The following ESRRG variants were observed in gnomAD, a reference collection of about 807,000 sequenced individuals.
ESRRG encodes estrogen related receptor gamma.
ESRRG carries 13 observed loss-of-function variants against 44.0 expected under a neutral mutation model. The ratio of observed to expected loss-of-function variants is 0.30; its 90% CI spans 0.19 to 0.47. ESRRG has a LOEUF of 0.47. ESRRG is among the 20% of genes least tolerant of loss of function. The pLI, the probability that ESRRG is intolerant of heterozygous loss-of-function variation, is 1.00. For synonymous variants in ESRRG, 215 were observed against 214.6 expected (o/e 1.00, Z -0.02); for missense variants, 395 against 580.6 (o/e 0.68, Z 3.29).
chr1:216,835,567 C>T (rs12737994), intron 2 of ESRRG, among the ~76,000 whole-genome samples: 31,798 of 152,042 alleles, frequency 0.21, 3,417 homozygotes, highest in Admixed American at 0.27. Flanking sequence ...TATAGAAATA[C>T]GGAGTCCTTC....
chr1:216,697,287 T>G (rs910912175), intron 1 of ESRRG, among the ~76,000 whole-genome samples: 3 of 152,170 alleles, frequency 2.0e-5, no homozygotes, highest in African/African-American at 4.8e-5. Context: ...GTTTAATTTT[T>G]GGAATAATCA....
At chr1:216,855,707 CT>C (rs1435163749) in intron 2 of ESRRG, among the ~76,000 whole-genome samples, 1 of 152,170 alleles carries the variant, frequency 6.6e-6, no homozygotes, top group African/African-American at 2.4e-5. Flanking sequence ...GCCCCCTCCC[CT>C]GCTCCCCAGC....
intron 1 of ESRRG, among the ~76,000 whole-genome samples, chr1:217,012,531 A>G (rs748427810): frequency 6.6e-6 from 1 of 152,308 alleles, no homozygotes; most frequent in Non-Finnish European, 1.5e-5. Flanking sequence ...ACTGATAGCA[A>G]GAAAATGACA....
At chr1:216,632,196 T>C (rs2064341170) in intron 3 of ESRRG, among the ~76,000 whole-genome samples, 1 of 152,186 alleles carries the variant, frequency 6.6e-6, no homozygotes, top group African/African-American at 2.4e-5. Context: ...TTACCAAACA[T>C]ACATAACCTT....
chr1:217,046,988 C>T (rs1181936105), intron 1 of ESRRG, among the ~76,000 whole-genome samples: 1 of 151,924 alleles, frequency 6.6e-6, no homozygotes, highest in Non-Finnish European at 1.5e-5. Context: ...AATATATTAA[C>T]ATATGTAAGT....
Position 217,056,386 on chromosome 1 carries a change from G to A in ESRRG, c.-106+33121C>T, listed in dbSNP as rs11572406. ...CACCATATATTTATTTCTGGAAGAA[G>A]TCTGGGTATAAATAGAAACTCATGT... On this transcript the variant is annotated intron_variant, in intron 1 of 7. Coordinates refer to the ESRRG transcript ENST00000359162. Among the ~76,000 whole-genome samples, 785 of 152,202 alleles carry A rather than the reference G, an allele frequency of 5.2e-3. 6 individuals carry two copies. Among genetic ancestry groups the A allele is most frequent in the African/African-American group, 0.018 (750 of 41,532 alleles).
At chr1:216,648,793 A>T (rs921868972) in intron 3 of ESRRG, among the ~76,000 whole-genome samples, 1 of 152,166 alleles carries the variant, frequency 6.6e-6, no homozygotes, top group African/African-American at 2.4e-5. Flanking sequence ...TTAATTTTAG[A>T]ACTTTTTAAA....
upstream of ESRRG, among the ~76,000 whole-genome samples, chr1:217,091,311 A>G (rs928094624): frequency 3.9e-5 from 6 of 152,132 alleles, no homozygotes; most frequent in Non-Finnish European, 8.8e-5. Context: ...GCACAAGGAG[A>G]GTTTTGAATC....
At chr1:216,993,926 T>C (rs560100362) in intron 1 of ESRRG, among the ~76,000 whole-genome samples, 88 of 152,282 alleles carry the variant, frequency 5.8e-4, no homozygotes, top group African/African-American at 1.9e-3. Context: ...AAATATCACT[T>C]TTTCTCTAAT....
chr1:216,864,765 T>C (rs1394829427), intron 2 of ESRRG: 2 of 152,136 alleles, frequency 1.3e-5, no homozygotes, highest in Non-Finnish European at 2.9e-5. Context: ...GCTGTTCACC[T>C]AAGGAGATGC....
chr1:216,663,521 T>C (rs1164906129), intron 2 of ESRRG, among the ~76,000 whole-genome samples: 2 of 152,180 alleles, frequency 1.3e-5, no homozygotes, highest in Non-Finnish European at 2.9e-5. Flanking sequence ...TTATCAGAGA[T>C]GCCCTTTTTT....
intron 3 of ESRRG, among the ~76,000 whole-genome samples, chr1:216,609,991 T>C (rs967874241): frequency 1.3e-5 from 2 of 152,194 alleles, no homozygotes; most frequent in African/African-American, 4.8e-5. Context: ...GAGTGATCAG[T>C]CTCCACAAAA....
chr1:216,851,517 G>C (rs984172083), intron 2 of ESRRG, among the ~76,000 whole-genome samples: 18 of 151,978 alleles, frequency 1.2e-4, no homozygotes, highest in African/African-American at 4.3e-4. Flanking sequence ...CTTATAAAAA[G>C]AGGCCAGAGA....
chr1:217,082,831 G>A (rs1028765176), intron 1 of ESRRG, among the ~76,000 whole-genome samples: 6 of 152,136 alleles, frequency 3.9e-5, no homozygotes, highest in Non-Finnish European at 2.9e-5. Flanking sequence ...CTTATCACAA[G>A]TGATAAACTT....
chr1:217,123,357 T>C (rs1313539449), intron 1 of ESRRG, among the ~76,000 whole-genome samples: 1 of 152,130 alleles, frequency 6.6e-6, no homozygotes, highest in African/African-American at 2.4e-5. Context: ...ATTTTCCCAT[T>C]TCAGTGTATT....
At chr1:216,594,470 A>T (rs2150050466) in intron 3 of ESRRG, among the ~76,000 whole-genome samples, 1 of 152,174 alleles carries the variant, frequency 6.6e-6, no homozygotes, top group Non-Finnish European at 1.5e-5. Context: ...CCAGGGATCT[A>T]CTCTAGAGGG....
intron 3 of ESRRG, among the ~76,000 whole-genome samples, chr1:216,593,522 A>G (rs561429949): frequency 6.6e-6 from 1 of 152,244 alleles, no homozygotes; most frequent in Admixed American, 6.5e-5. Flanking sequence ...GATTCTGATA[A>G]CAGCCAATTG....
chr1:216,677,585 T>A, intron 1 of ESRRG, 94 bp from the exon 2 acceptor site: 1 of 1,080,294 alleles, frequency 9.3e-7, no homozygotes, highest in Non-Finnish European at 1.3e-6. Context: ...TGGTGAAAAA[T>A]AGAGAAAGGG....
chr1:217,046,542 G>T (rs2084911123), intron 1 of ESRRG, among the ~76,000 whole-genome samples: 1 of 152,110 alleles, frequency 6.6e-6, no homozygotes, highest in African/African-American at 2.4e-5. Flanking sequence ...GGGGCATAAA[G>T]TAATAATAAA....
Sources: gnomAD v4.1 joint callset for allele counts (sites outside exome capture counted in the v4.1 genomes callset) on GRCh38, gnomAD v4.1.1 for gene constraint, MANE v1.5 for transcripts, NCBI Gene and HGNC (gene_info 2026-07-23, HGNC 2026-07-21) for gene names.